The following RGS10 variants were observed in gnomAD, a reference collection of about 807,000 sequenced individuals.
RGS10 encodes the protein regulator of G-protein signalling 10.
RGS10 carries 11 observed loss-of-function variants against 23.5 expected under a neutral mutation model. The ratio of observed to expected loss-of-function variants is 0.47; its 90% CI spans 0.29 to 0.77. RGS10 has a LOEUF of 0.77. Ranked by LOEUF, RGS10 falls within the 30% of genes least tolerant of loss-of-function variation. RGS10 has a pLI of 0.08. For synonymous variants in RGS10, 77 were observed against 83.2 expected (o/e 0.92, Z 0.41); for missense variants, 180 against 226.3 (o/e 0.80, Z 1.31).
At chr10:119,537,608 A>C (rs954675863) in intron 1 of RGS10, among the ~76,000 whole-genome samples, 4 of 152,164 alleles carry the variant, frequency 2.6e-5, no homozygotes, top group African/African-American at 9.7e-5. Flanking sequence ...AAAAACACAG[A>C]GAAAGATGCC....
intron 4 of RGS10, among the ~76,000 whole-genome samples, chr10:119,513,733 G>C (rs77810412): frequency 9.3e-4 from 141 of 152,278 alleles, no homozygotes; most frequent in Middle Eastern, 3.4e-3. Flanking sequence ...CTGGGAAGTG[G>C]GATGACCTGC....
chr10:119,529,920 T>C (rs201369794), intron 1 of RGS10, among the ~76,000 whole-genome samples: 1 of 152,026 alleles, frequency 6.6e-6, no homozygotes. Flanking sequence ...GGTGAAACCC[T>C]GTCTCTACTA....
chr10:119,521,994 A>G (rs1278470782), intron 3 of RGS10, among the ~76,000 whole-genome samples: 1 of 152,214 alleles, frequency 6.6e-6, no homozygotes, highest in Non-Finnish European at 1.5e-5. Context: ...GGAGGGAAGA[A>G]GTCATTCTCG....
intron 4 of RGS10, among the ~76,000 whole-genome samples, chr10:119,507,220 A>T (rs186114202): frequency 6.6e-6 from 1 of 152,282 alleles, no homozygotes; most frequent in East Asian, 1.9e-4. Context: ...CCTGGCACCC[A>T]TAAGACTGAC....
chr10:119,531,823 T>C (rs565057978), intron 1 of RGS10, among the ~76,000 whole-genome samples: 2 of 152,298 alleles, frequency 1.3e-5, no homozygotes, highest in South Asian at 4.1e-4. Context: ...AGAAAACCGA[T>C]GGGCCCTTCC....
At chr10:119,506,059 A>G (rs1844009292) in intron 4 of RGS10, among the ~76,000 whole-genome samples, 2 of 152,198 alleles carry the variant, frequency 1.3e-5, no homozygotes, top group African/African-American at 4.8e-5. Context: ...CTCTCTTCAC[A>G]CACATGGACT....
rs570227766 is a variant in RGS10 at position 119,530,445 on chromosome 10, T to C, written c.50-3021A>G. Among the ~76,000 whole-genome samples, 245 of 152,228 alleles carry C rather than the reference T, an allele frequency of 1.6e-3. 2 individuals are homozygous for C. The highest frequency in any genetic ancestry group is 5.7e-3 in the African/African-American group (236 of 41,540). ...GGCTCATGCCTGTAATCCAAACACC[T>C]TGGGAGGCTGAGACAGGAGGATGGC... is the stretch of plus-strand genomic sequence containing the variant. On this transcript the variant is annotated intron_variant, in intron 1 of 4. Coordinates refer to ENST00000369103, the MANE Select transcript of RGS10 (RefSeq NM_001005339.2).
At chr10:119,520,128 T>C (rs1047861818) in intron 3 of RGS10, among the ~76,000 whole-genome samples, 11 of 152,134 alleles carry the variant, frequency 7.2e-5, no homozygotes, top group African/African-American at 2.7e-4. Context: ...AGAGATGGAA[T>C]GTGGGAGACA....
At chr10:119,500,308 C>A in intron 4 of RGS10, 49 bp from the exon 5 acceptor site, 1 of 1,541,860 alleles carries the variant, frequency 6.5e-7, no homozygotes, top group South Asian at 1.2e-5. Flanking sequence ...TAATCCAGGC[C>A]ATAAATCATC....
At chr10:119,502,264 C>T (rs779925542) in intron 4 of RGS10, among the ~76,000 whole-genome samples, 3 of 152,178 alleles carry the variant, frequency 2.0e-5, no homozygotes, top group African/African-American at 7.2e-5. Flanking sequence ...TCACCATCTG[C>T]CTTATTCAGC....
At chr10:119,508,999 T>C (rs1844047520) in intron 4 of RGS10, among the ~76,000 whole-genome samples, 2 of 152,012 alleles carry the variant, frequency 1.3e-5, no homozygotes, top group Admixed American at 1.3e-4. Flanking sequence ...TACTCAGCAG[T>C]CTAAGGTTAG....
At chr10:119,500,917 G>A (rs1292270418) in intron 4 of RGS10, among the ~76,000 whole-genome samples, 1 of 152,106 alleles carries the variant, frequency 6.6e-6, no homozygotes, top group East Asian at 1.9e-4. Context: ...CAACTCTAAG[G>A]TATGTCAGGT....
intron 3 of RGS10, among the ~76,000 whole-genome samples, chr10:119,523,763 G>A (rs542522714): frequency 1.3e-5 from 2 of 152,282 alleles, no homozygotes; most frequent in African/African-American, 2.4e-5. Context: ...GACAGGGCAG[G>A]GCAACCCAAC....
chr10:119,539,562 C>T (rs1844418996), intron 1 of RGS10, among the ~76,000 whole-genome samples: 1 of 152,260 alleles, frequency 6.6e-6, no homozygotes, highest in South Asian at 2.1e-4. Flanking sequence ...ATTTCACTGG[C>T]CTGAGAATTC....
chr10:119,524,361 G>A lies in RGS10; in HGVS notation c.255+1671C>T, dbSNP rs574509218. On this transcript the variant is annotated intron_variant, in intron 3 of 4. Coordinates refer to ENST00000369103, the MANE Select transcript of RGS10 (RefSeq NM_001005339.2). This position sits in a 1 kb window ranked among gnomAD's most constrained non-coding sequence, Gnocchi z 5.2. ...CTAGTTCAAGTCCTAGCTCTGCCAC[G>A]GTGCGGGGACCTCACTTCCTTGTCT... Among the ~76,000 whole-genome samples the A allele has an allele frequency of 2.8e-4, 43 of 152,252 alleles. 1 individual carries two copies. In the South Asian group the frequency reaches 2.9e-3, roughly 10 times the overall value.
chr10:119,527,868 G>GCTC lies in RGS10; in HGVS notation c.50-447_50-445dup, dbSNP rs1844293093. Among the ~76,000 whole-genome samples the GCTC allele has an allele frequency of 6.6e-6, 1 of 152,088 alleles. No homozygotes were observed. Among genetic ancestry groups the GCTC allele is most frequent in the South Asian group, 2.1e-4 (1 of 4,828 alleles). ...ATGACTGACTCCCACTAGTCTGAAG[G>GCTC]CTCCTATGTGTCCTCATCTTGTATC... On this transcript the variant is annotated intron_variant, in intron 1 of 4. Transcript: ENST00000369103. The surrounding 1 kb of genome is among the most constrained non-coding windows in gnomAD (Gnocchi z 4.2).
intron 1 of RGS10, among the ~76,000 whole-genome samples, chr10:119,533,400 AG>A (rs1844353092): frequency 6.6e-6 from 1 of 152,218 alleles, no homozygotes; most frequent in African/African-American, 2.4e-5. Context: ...AGCAGGTTAA[AG>A]TAAGTAAGTA....
intron 3 of RGS10, among the ~76,000 whole-genome samples, chr10:119,521,057 C>A (rs1274939260): frequency 1.3e-5 from 2 of 152,160 alleles, no homozygotes; most frequent in Non-Finnish European, 1.5e-5. Flanking sequence ...CCTGACTGAA[C>A]AGTTTTAGAA....
At chr10:119,534,876 A>G (rs1295762270) in intron 1 of RGS10, among the ~76,000 whole-genome samples, 1 of 152,040 alleles carries the variant, frequency 6.6e-6, no homozygotes, top group East Asian at 1.9e-4. Context: ...GTGACAGAGC[A>G]AGACTCTGTC....
Sources: allele counts gnomAD v4.1 joint callset (sites outside exome capture counted in the v4.1 genomes callset), GRCh38; gene constraint gnomAD v4.1.1; non-coding constraint Gnocchi (gnomAD v3.1); transcripts MANE v1.5; gene names NCBI Gene and HGNC (gene_info 2026-07-23, HGNC 2026-07-21).